Variants in SOX6 observed in about 807,000 individuals in gnomAD.
The protein encoded by SOX6 is transcription factor SOX-6.
Under a neutral mutation model 97.8 loss-of-function variants are expected in SOX6, and 11 were observed. That is an observed-to-expected ratio of 0.11 (90% confidence interval 0.07 to 0.19). The LOEUF is 0.19. SOX6 is among the 10% of genes least tolerant of loss of function. The probability of loss-of-function intolerance (pLI) is 1.00; values close to 1 mark genes in which losing one functional copy is unlikely to be tolerated. For missense variants in SOX6, 810 were observed against 1,039.5 expected (o/e 0.78, Z 3.04); for synonymous variants, 360 against 371.4 (o/e 0.97, Z 0.35).
chr11:15,980,625 C>T (rs1853626917), intron 15 of SOX6, among the ~76,000 whole-genome samples: 1 of 151,856 alleles, frequency 6.6e-6, no homozygotes, highest in Admixed American at 6.6e-5. Flanking sequence ...TAGGCTGCTT[C>T]TTTTTTTTAC....
At chr11:16,720,540 T>G in intron 2 of SOX6, among the ~76,000 whole-genome samples, 1 of 109,592 alleles carries the variant, frequency 9.1e-6, no homozygotes, top group African/African-American at 3.4e-5. Context: ...CTGGGGCCTG[T>G]TGTGGGGTGG....
intron 4 of SOX6, among the ~76,000 whole-genome samples, chr11:16,231,902 A>T (rs1852863659): frequency 6.6e-6 from 1 of 151,840 alleles, no homozygotes; most frequent in Non-Finnish European, 1.5e-5. Flanking sequence ...GATGATTCTA[A>T]TTTTGTGGGG....
chr11:16,179,444 T>C (rs1851288041), intron 6 of SOX6, among the ~76,000 whole-genome samples: 1 of 151,986 alleles, frequency 6.6e-6, no homozygotes, highest in South Asian at 2.1e-4. Flanking sequence ...ACAACTTCAG[T>C]GAAGTAATGA....
At position 16,569,605 on chromosome 11, in the gene SOX6, A is replaced by G. The variant is rs549719041; in HGVS notation, n.609+42476T>C. Among the ~76,000 whole-genome samples, 46 of 152,300 alleles carry G rather than the reference A, an allele frequency of 3.0e-4. 2 individuals are homozygous for G. Among genetic ancestry groups the G allele is most frequent in the African/African-American group, 1.1e-3 (44 of 41,558 alleles). ...GTGATACATTTTGTTTCTTGGATAT[A>G]GCAATGTACCACCTTGCATAAATGA... On this transcript the variant is annotated intron_variant and non_coding_transcript_variant, in intron 4 of 5. Coordinates refer to the SOX6 transcript ENST00000524520.
intron 3 of SOX6, among the ~76,000 whole-genome samples, chr11:16,282,692 AT>A (rs1854602219): frequency 6.6e-6 from 1 of 151,538 alleles, no homozygotes; most frequent in Non-Finnish European, 1.5e-5. Context: ...TATATTTATT[AT>A]TAAACCATAG....
At chr11:16,655,150 G>C (rs1198560766) in intron 3 of SOX6, among the ~76,000 whole-genome samples, 1 of 152,168 alleles carries the variant, frequency 6.6e-6, no homozygotes, top group African/African-American at 2.4e-5. Flanking sequence ...GCACATTGAC[G>C]CTGGGATTCT....
At chr11:16,563,633 T>C (rs563802244) in intron 4 of SOX6, among the ~76,000 whole-genome samples, 1 of 152,200 alleles carries the variant, frequency 6.6e-6, no homozygotes, top group Admixed American at 6.5e-5. Context: ...TATAGCAAAA[T>C]ATCTAATATT....
chr11:16,424,418 C>A (rs1590197832), intron 1 of SOX6, among the ~76,000 whole-genome samples: 1 of 152,136 alleles, frequency 6.6e-6, no homozygotes, highest in East Asian at 1.9e-4. Context: ...CAAACTGAGA[C>A]TCAAAAAAGG....
intron 1 of SOX6, among the ~76,000 whole-genome samples, chr11:16,390,800 T>G (rs1293207026): frequency 6.6e-6 from 1 of 152,200 alleles, no homozygotes; most frequent in Non-Finnish European, 1.5e-5. Context: ...CTCAAGGATC[T>G]AGAACCAGAA....
At chr11:15,978,992 AT>A (rs1234325738) in intron 15 of SOX6, among the ~76,000 whole-genome samples, 1 of 112,862 alleles carries the variant, frequency 8.9e-6, no homozygotes, top group Non-Finnish European at 2.0e-5. Context: ...ATATAAGCAT[AT>A]ATACATGCTT....
At chr11:16,241,287 C>T (rs1006303422) in intron 3 of SOX6, among the ~76,000 whole-genome samples, 2 of 152,038 alleles carry the variant, frequency 1.3e-5, no homozygotes, top group Non-Finnish European at 2.9e-5. Context: ...CATGTGCAGG[C>T]TGAAGCCTTG....
intron 3 of SOX6, among the ~76,000 whole-genome samples, chr11:16,622,214 T>G (rs1193507862): frequency 6.6e-6 from 1 of 152,220 alleles, no homozygotes; most frequent in African/African-American, 2.4e-5. Context: ...GGTATTTAGC[T>G]CCACATTTCT....
At chr11:16,014,292 T>C (rs1298322839) in intron 13 of SOX6, among the ~76,000 whole-genome samples, 1 of 152,070 alleles carries the variant, frequency 6.6e-6, no homozygotes, top group African/African-American at 2.4e-5. Flanking sequence ...GTAAACATTC[T>C]GAGAGGAAGG....
intron 5 of SOX6, among the ~76,000 whole-genome samples, chr11:16,186,425 T>C (rs958632875): frequency 2.0e-5 from 3 of 152,136 alleles, no homozygotes; most frequent in African/African-American, 7.2e-5. Context: ...AACCCCCTTT[T>C]TCTGGGAGGA....
intron 13 of SOX6, among the ~76,000 whole-genome samples, chr11:15,994,962 T>C (rs1195247407): frequency 1.3e-5 from 2 of 152,202 alleles, no homozygotes; most frequent in African/African-American, 4.8e-5. Flanking sequence ...GAAATTCTGT[T>C]TTCATAGTTT....
intron 1 of SOX6, among the ~76,000 whole-genome samples, chr11:16,444,913 A>T (rs1476170510): frequency 1.3e-5 from 2 of 152,236 alleles, no homozygotes; most frequent in African/African-American, 2.4e-5. Flanking sequence ...TCAGCCAGTT[A>T]CTTGTGACCA....
At chr11:16,316,044 C>T (rs1262490028) in intron 3 of SOX6, 2 of 151,632 alleles carry the variant, frequency 1.3e-5, no homozygotes, top group Admixed American at 6.6e-5. Context: ...ATAGCACTGG[C>T]AATTTTTTTG....
At chr11:16,592,065 T>G (rs915380189) in intron 4 of SOX6, among the ~76,000 whole-genome samples, 1 of 152,062 alleles carries the variant, frequency 6.6e-6, no homozygotes, top group Non-Finnish European at 1.5e-5. Context: ...TTTCTATATC[T>G]ACAATATGTA....
At chr11:16,538,340 AG>A (rs1482954203) in intron 4 of SOX6, among the ~76,000 whole-genome samples, 1 of 152,254 alleles carries the variant, frequency 6.6e-6, no homozygotes, top group Non-Finnish European at 1.5e-5. Flanking sequence ...AAACATGGAA[AG>A]GAACAACCAG....
Sources: gnomAD v4.1 joint callset for allele counts (sites outside exome capture counted in the v4.1 genomes callset) on GRCh38, gnomAD v4.1.1 for gene constraint, MANE v1.5 for transcripts, NCBI Gene and HGNC (gene_info 2026-07-23, HGNC 2026-07-21) for gene names.